Variants in SASH1 observed in about 807,000 individuals in gnomAD.
SASH1 encodes the protein SAM and SH3 domain-containing protein 1.
SASH1 carries 44 observed loss-of-function variants against 125.2 expected under a neutral mutation model. That is an observed-to-expected ratio of 0.35 (90% CI 0.28 to 0.45). The LOEUF (loss-of-function observed/expected upper bound fraction) is 0.45. SASH1 is among the 20% of genes least tolerant of loss of function. SASH1 has a pLI of 1.00. For synonymous variants in SASH1, 639 were observed against 649.1 expected, an observed-to-expected ratio of 0.98 and a Z score of 0.24; for missense variants, 1,426 against 1,614.5, an observed-to-expected ratio of 0.88 and a Z score of 2.00.
At chr6:148,354,964 G>A (rs994092721) in intron 1 of SASH1, among the ~76,000 whole-genome samples, 2 of 152,058 alleles carry the variant, frequency 1.3e-5, no homozygotes, top group Non-Finnish European at 2.9e-5. Flanking sequence ...TCACCATGTT[G>A]GCCAGGCTGG....
At chr6:148,414,001 A>G (rs1784728404) in intron 2 of SASH1, among the ~76,000 whole-genome samples, 1 of 152,178 alleles carries the variant, frequency 6.6e-6, no homozygotes, top group African/African-American at 2.4e-5. Flanking sequence ...AGAATGGAAA[A>G]CACTGGAAGC....
chr6:148,220,906 T>G, the SASH1 span, among the ~76,000 whole-genome samples: 8 of 152,214 alleles, frequency 5.3e-5, no homozygotes, highest in South Asian at 4.1e-4. Context: ...AGAGTGAGAC[T>G]GTGTCTCAAA....
At chr6:148,302,361 G>T (rs920073151) in intron 1 of SASH1, among the ~76,000 whole-genome samples, 2 of 145,616 alleles carry the variant, frequency 1.4e-5, no homozygotes, top group African/African-American at 5.0e-5. Flanking sequence ...TTATGACCTT[G>T]GTTAATAGAG....
chr6:148,415,042 A>C (rs947415722), intron 2 of SASH1, among the ~76,000 whole-genome samples: 9 of 152,238 alleles, frequency 5.9e-5, no homozygotes, highest in African/African-American at 2.2e-4. Context: ...CTGTGCATTT[A>C]ATCAACATGA....
At chr6:148,357,486 G>A (rs1781990464) in intron 1 of SASH1, among the ~76,000 whole-genome samples, 2 of 152,298 alleles carry the variant, frequency 1.3e-5, no homozygotes, top group South Asian at 2.1e-4. Context: ...AAGCCAGAAA[G>A]TCTCCCACAG....
chr6:148,438,725 CAAA>C lies in SASH1; in HGVS notation c.286-1440_286-1438del, dbSNP rs60769463. 3.4e-3 allele frequency among the ~76,000 whole-genome samples: 325 copies of C among 96,422 alleles called. 3 individuals are homozygous for C. The highest frequency in any genetic ancestry group is 0.015 in the East Asian group (50 of 3,280). The allele number at this position is 96,422 out of a possible 152,430, so 63.3% of individuals were successfully genotyped here. A position where few individuals can be genotyped will look rare whatever the true frequency, so the allele number is the denominator to read the frequency against. On this transcript the variant is annotated intron_variant, in intron 2 of 19. Transcript: ENST00000367467. The stretch of plus-strand genomic sequence containing the variant: ...GCACATTCTTTTTTTTTCATTGTGG[CAAA>C]AAAAAAAAAAAAAAAAAACCAAAAC...
chr6:148,498,986 T>C (rs1779439716), intron 8 of SASH1, among the ~76,000 whole-genome samples: 1 of 152,114 alleles, frequency 6.6e-6, no homozygotes, highest in Non-Finnish European at 1.5e-5. Flanking sequence ...GAATCATAGG[T>C]TGCCCTTCAC....
chr6:148,300,633 T>C (rs1427092079), intron 1 of SASH1, among the ~76,000 whole-genome samples: 1 of 151,810 alleles, frequency 6.6e-6, no homozygotes, highest in African/African-American at 2.4e-5. Context: ...TTTATATTTA[T>C]ATTCTTACTG....
chr6:148,220,038 C>T, the SASH1 span, among the ~76,000 whole-genome samples: 1 of 152,194 alleles, frequency 6.6e-6, no homozygotes. Context: ...TCATCTAAGC[C>T]TGCGAAAGCA....
In SASH1 at chr6:148,549,360, C is replaced by T. The variant is rs1351319439; in HGVS notation, c.*802C>T. 1 of 355,576 alleles carries T rather than the reference C, an allele frequency of 2.8e-6. No homozygotes were observed. The highest frequency in any genetic ancestry group is 5.0e-6 in the Non-Finnish European group (1 of 199,418). The allele number at this position is 355,576 out of a possible 1,614,324, so 22.0% of individuals were successfully genotyped here. On this transcript the variant is annotated 3_prime_UTR_variant, in exon 20 of 20. Transcript: ENST00000367467. ...TGTTGGTTTTTGGTTTTTAAGCTAACTACAAATCTAGTAAAAAGCTATCTG... is the reference window on the plus strand; with the variant it reads ...TGTTGGTTTTTGGTTTTTAAGCTAATTACAAATCTAGTAAAAAGCTATCTG...
chr6:148,213,251 A>G, the SASH1 span, among the ~76,000 whole-genome samples: 21 of 152,192 alleles, frequency 1.4e-4, no homozygotes, highest in African/African-American at 5.1e-4. Context: ...CTTGATGAGA[A>G]GAACCCTCTC....
At chr6:148,334,345 G>T (rs1446839825) in intron 1 of SASH1, among the ~76,000 whole-genome samples, 12 of 142,210 alleles carry the variant, frequency 8.4e-5, no homozygotes, top group African/African-American at 2.3e-4. Context: ...GGAGAATGGC[G>T]TGAACCCGGG....
the SASH1 span, among the ~76,000 whole-genome samples, chr6:148,200,607 C>T: frequency 6.6e-6 from 1 of 152,202 alleles, no homozygotes. Context: ...TGAAGGTCAA[C>T]CTCTTGGCTC....
chr6:148,490,745 G>A (rs900225551), intron 8 of SASH1, among the ~76,000 whole-genome samples: 1 of 152,032 alleles, frequency 6.6e-6, no homozygotes, highest in Non-Finnish European at 1.5e-5. Context: ...TGAAAACGCT[G>A]ATGGTTTTCC....
At chr6:148,416,487 C>G (rs1453159781) in intron 2 of SASH1, among the ~76,000 whole-genome samples, 4 of 152,144 alleles carry the variant, frequency 2.6e-5, no homozygotes, top group Non-Finnish European at 5.9e-5. Context: ...TTGAGTTTTG[C>G]AGCGTGGAGC....
At chr6:148,233,908 G>A in the SASH1 span, among the ~76,000 whole-genome samples, 25 of 148,276 alleles carry the variant, frequency 1.7e-4, no homozygotes, top group East Asian at 3.4e-3. Flanking sequence ...GTGAGACTCT[G>A]TTTCCAAAAA....
rs1782826651 is a variant in SASH1 at position 148,550,557 on chromosome 6, G to A, written c.*1999G>A. 6.6e-6 allele frequency: 1 copy of A among 152,188 alleles called. No homozygotes were observed. Among genetic ancestry groups the A allele is most frequent in the South Asian group, 2.1e-4 (1 of 4,830 alleles). The allele number at this position is 152,188 out of a possible 1,614,324, so 9.4% of individuals were successfully genotyped here. The stretch of plus-strand genomic sequence containing the variant: ...TTTCATCTTCTATAAGATGCCATGT[G>A]AAGAAGTTGTGGAAATGTAGAATAA... On this transcript the variant is annotated 3_prime_UTR_variant, in exon 20 of 20. Transcript: ENST00000367467.
chr6:148,508,821 T>C, intron 8 of SASH1: 1 of 580,574 alleles, frequency 1.7e-6, no homozygotes, highest in Non-Finnish European at 2.7e-6. Context: ...GGGAGGGGGG[T>C]GGGAGGTACA....
At chr6:148,431,464 G>T (rs1286268112) in intron 2 of SASH1, among the ~76,000 whole-genome samples, 1 of 152,130 alleles carries the variant, frequency 6.6e-6, no homozygotes, top group East Asian at 1.9e-4. Flanking sequence ...CTCCCAAAGT[G>T]CTGGATTATA....
Sources: allele counts gnomAD v4.1 joint callset (sites outside exome capture counted in the v4.1 genomes callset), GRCh38; gene constraint gnomAD v4.1.1; transcripts MANE v1.5; gene names NCBI Gene and HGNC (gene_info 2026-07-23, HGNC 2026-07-21).